DCC: variants seen among roughly 807,000 people sequenced by gnomAD.
DCC encodes the protein netrin receptor DCC.
Under a neutral mutation model 172.5 loss-of-function variants are expected in DCC, and 58 were observed. The observed-to-expected ratio is 0.34, with a 90% CI of 0.27 to 0.42. The LOEUF (loss-of-function observed/expected upper bound fraction) is 0.42. Ranked by LOEUF, DCC falls within the 10% of genes least tolerant of loss-of-function variation. The probability of loss-of-function intolerance (pLI) is 1.00; values close to 1 mark genes in which losing one functional copy is unlikely to be tolerated. For missense variants in DCC, 1,740 were observed against 1,791.0 expected, an observed-to-expected ratio of 0.97 and a Z score of 0.51; for synonymous variants, 709 against 644.5, an observed-to-expected ratio of 1.10 and a Z score of -1.52.
chr18:53,059,402 G>A (rs1022866752), intron 5 of DCC, among the ~76,000 whole-genome samples: 3 of 152,084 alleles, frequency 2.0e-5, no homozygotes, highest in Non-Finnish European at 4.4e-5. Flanking sequence ...TGGGGTATAT[G>A]TAAGTCACGT....
intron 1 of DCC, among the ~76,000 whole-genome samples, chr18:52,718,051 C>A (rs527405713): frequency 2.6e-5 from 4 of 152,158 alleles, no homozygotes; most frequent in African/African-American, 9.7e-5. Context: ...TCAATGACTG[C>A]AAGGAGGCAT....
chr18:52,958,860 G>A (rs1424268428), intron 5 of DCC, among the ~76,000 whole-genome samples: 1 of 152,126 alleles, frequency 6.6e-6, no homozygotes, highest in Non-Finnish European at 1.5e-5. Context: ...GAAGCTAGAA[G>A]TAAGGATTTA....
intron 5 of DCC, among the ~76,000 whole-genome samples, chr18:52,976,560 G>A (rs976911199): frequency 6.6e-6 from 1 of 152,218 alleles, no homozygotes; most frequent in South Asian, 2.1e-4. Context: ...TATGAACTTT[G>A]CAAGATGACA....
intron 1 of DCC, among the ~76,000 whole-genome samples, chr18:52,552,810 A>G (rs1196892158): frequency 6.6e-6 from 1 of 151,766 alleles, no homozygotes; most frequent in Non-Finnish European, 1.5e-5. Context: ...TGTAGGCTAC[A>G]TGTAAAGAAA....
chr18:52,809,651 G>A (rs921963250), intron 2 of DCC, among the ~76,000 whole-genome samples: 5 of 152,136 alleles, frequency 3.3e-5, no homozygotes, highest in Admixed American at 6.5e-5. Context: ...CTGTGATGGC[G>A]GCAAACAGCA....
At chr18:52,900,827 C>T (rs1191077682) in intron 2 of DCC, among the ~76,000 whole-genome samples, 3 of 152,154 alleles carry the variant, frequency 2.0e-5, no homozygotes, top group African/African-American at 7.2e-5. Context: ...AAGGTAGGAA[C>T]TTTGAAATTC....
At chr18:52,995,074 A>C (rs568529453) in intron 5 of DCC, among the ~76,000 whole-genome samples, 4 of 152,142 alleles carry the variant, frequency 2.6e-5, no homozygotes, top group Non-Finnish European at 5.9e-5. Flanking sequence ...ACATGAATTT[A>C]ATAGGTTATT....
At chr18:52,483,325 C>T (rs1215482085) in intron 1 of DCC, among the ~76,000 whole-genome samples, 1 of 152,042 alleles carries the variant, frequency 6.6e-6, no homozygotes, top group Non-Finnish European at 1.5e-5. Context: ...CCAACTATAT[C>T]TTTAGCTTCT....
chr18:52,441,635 A>G (rs1204762268), intron 1 of DCC, among the ~76,000 whole-genome samples: 1 of 152,122 alleles, frequency 6.6e-6, no homozygotes, highest in Admixed American at 6.5e-5. Context: ...ATTTTGGGAA[A>G]TTTGTGTCTA....
chr18:52,496,370 A>G (rs897652883), intron 1 of DCC, among the ~76,000 whole-genome samples: 1 of 152,174 alleles, frequency 6.6e-6, no homozygotes, highest in Non-Finnish European at 1.5e-5. Flanking sequence ...GAAATATGAA[A>G]CATGTTTTCC....
chr18:52,684,482 C>G (rs1433308309), intron 1 of DCC, among the ~76,000 whole-genome samples: 1 of 151,828 alleles, frequency 6.6e-6, no homozygotes, highest in African/African-American at 2.4e-5. Context: ...ATTCAATATG[C>G]AACACATCAG....
At chr18:52,668,544 A>C (rs2035496438) in intron 1 of DCC, among the ~76,000 whole-genome samples, 1 of 152,208 alleles carries the variant, frequency 6.6e-6, no homozygotes. Context: ...TTAGAGATGA[A>C]AGAATAAATA....
chr18:52,479,587 C>T (rs931562220), intron 1 of DCC, among the ~76,000 whole-genome samples: 3 of 149,960 alleles, frequency 2.0e-5, no homozygotes, highest in African/African-American at 7.4e-5. Flanking sequence ...TCCACCCCCC[C>T]CCCGTCTCCC....
At chr18:52,698,764 A>ATTTTTTTTTTTT (rs34646550) in intron 1 of DCC, among the ~76,000 whole-genome samples, 2 of 134,178 alleles carry the variant, frequency 1.5e-5, no homozygotes, top group Non-Finnish European at 3.1e-5. Context: ...ACGCCTGGCT[A>ATTTTTTTTTTTT]TTTTTTTTTT....
intron 5 of DCC, 46 bp from the exon 6 acceptor site, chr18:53,063,259 T>C (rs1362607567): frequency 1.2e-6 from 2 of 1,600,272 alleles, no homozygotes; most frequent in Admixed American, 3.3e-5. Flanking sequence ...GCATGCAAGT[T>C]CACATCCCCA....
At chr18:52,470,723 CTAATGGGAAA>C (rs1988922609) in intron 1 of DCC, among the ~76,000 whole-genome samples, 1 of 152,164 alleles carries the variant, frequency 6.6e-6, no homozygotes, top group Non-Finnish European at 1.5e-5. Context: ...TAAACATTCC[CTAATGGGAAA>C]CAAAGTATCA....
Position 53,351,464 on chromosome 18 carries a change from G to GTATATATA in DCC, c.2359+11558_2359+11559insATATATAT, listed in dbSNP as rs35650757. On this transcript the variant is annotated intron_variant, in intron 15 of 28. Transcript: ENST00000442544. ...CAGTGTATATATATATATACACAGT[G>GTATATATA]TGTATATATATATATATATATATAT... 6.0e-4 allele frequency among the ~76,000 whole-genome samples: 20 copies of GTATATATA among 33,240 alleles called. 2 individuals are homozygous for GTATATATA. The highest frequency in any genetic ancestry group is 1.6e-3 in the African/African-American group (15 of 9,444). 21.8% of individuals were successfully genotyped at this position (33,240 alleles called of 152,430 possible). A position where few individuals can be genotyped will look rare whatever the true frequency, so the allele number is the denominator to read the frequency against.
intron 1 of DCC, among the ~76,000 whole-genome samples, chr18:52,576,698 T>A (rs1481925106): frequency 6.6e-6 from 1 of 151,910 alleles, no homozygotes; most frequent in Admixed American, 6.6e-5. Context: ...GGCATGGTGG[T>A]GGGCGCCTAT....
intron 9 of DCC, among the ~76,000 whole-genome samples, chr18:53,195,505 A>G (rs2055430038): frequency 6.6e-6 from 1 of 152,190 alleles, no homozygotes; most frequent in Non-Finnish European, 1.5e-5. Context: ...TCAATACGAG[A>G]TGAAATGTGC....
Sources: allele counts gnomAD v4.1 joint callset (sites outside exome capture counted in the v4.1 genomes callset), GRCh38; gene constraint gnomAD v4.1.1; transcripts MANE v1.5; gene names NCBI Gene and HGNC (gene_info 2026-07-23, HGNC 2026-07-21).